Variants in CTNNA3 observed in about 807,000 individuals in gnomAD.
CTNNA3 encodes the protein catenin alpha 3.
In CTNNA3, 76 loss-of-function variants were observed where a neutral mutation model predicts 95.7. That is an observed-to-expected ratio of 0.79 (90% CI 0.66 to 0.96). The LOEUF (loss-of-function observed/expected upper bound fraction) is 0.96. CTNNA3 is among the 40% of genes least tolerant of loss of function. The pLI is 0.00. For missense variants in CTNNA3, 1,191 were observed against 1,089.8 expected (o/e 1.09, Z -1.31); for synonymous variants, 431 against 374.4 (o/e 1.15, Z -1.74).
At chr10:66,078,706 T>C (rs1202309803) in intron 14 of CTNNA3, among the ~76,000 whole-genome samples, 1 of 151,960 alleles carries the variant, frequency 6.6e-6, no homozygotes, top group Non-Finnish European at 1.5e-5. Context: ...ATTTAATTTA[T>C]TTAATTGCAT....
Position 66,766,429 on chromosome 10 carries a change from G to A in CTNNA3, c.1129-13C>T. The A allele has an allele frequency of 1.3e-6, 2 of 1,581,630 alleles. No homozygotes were observed. Among genetic ancestry groups the A allele is most frequent in the Admixed American group, 1.8e-5 (1 of 55,500 alleles). The stretch of plus-strand genomic sequence containing the variant: ...TAGCCTTGCGGAGCTGAGAAGAAAT[G>A]AAAAATTCAGGTTTTTTTTTTCCAG... On this transcript the variant is annotated splice_polypyrimidine_tract_variant and intron_variant, in intron 8 of 17. Transcript: ENST00000433211.
At chr10:66,489,602 G>A (rs995684101) in intron 11 of CTNNA3, among the ~76,000 whole-genome samples, 1 of 151,910 alleles carries the variant, frequency 6.6e-6, no homozygotes. Flanking sequence ...ACACACACGT[G>A]CACACACACA....
intron 15 of CTNNA3, among the ~76,000 whole-genome samples, chr10:66,042,920 A>T (rs1459815785): frequency 2.1e-5 from 3 of 143,410 alleles, no homozygotes; most frequent in Admixed American, 2.1e-4. Context: ...AAAAAAAAAA[A>T]AAAAAAAAAG....
chr10:65,953,515 C>A (rs1286183950), intron 17 of CTNNA3, among the ~76,000 whole-genome samples: 1 of 152,040 alleles, frequency 6.6e-6, no homozygotes, highest in Non-Finnish European at 1.5e-5. Flanking sequence ...AGGTATATCT[C>A]CTAATGCTAT....
chr10:66,022,275 C>T (rs534269459), intron 15 of CTNNA3, among the ~76,000 whole-genome samples: 1 of 152,104 alleles, frequency 6.6e-6, no homozygotes, highest in African/African-American at 2.4e-5. Context: ...AATTACTTCT[C>T]AAATAAATAG....
intron 3 of CTNNA3, among the ~76,000 whole-genome samples, chr10:67,574,691 G>C (rs555413583): frequency 6.8e-6 from 1 of 148,100 alleles, no homozygotes; most frequent in Non-Finnish European, 1.5e-5. Context: ...AGCTATTCTC[G>C]TGCCTCAGCC....
At chr10:67,533,054 T>C (rs1840382220) in intron 4 of CTNNA3, among the ~76,000 whole-genome samples, 1 of 152,162 alleles carries the variant, frequency 6.6e-6, no homozygotes, top group African/African-American at 2.4e-5. Context: ...GTGGGCACGG[T>C]GGCGGACGCC....
intron 7 of CTNNA3, among the ~76,000 whole-genome samples, chr10:66,978,536 A>ATAAAATAAAAT (rs1429128054): frequency 1.1e-5 from 1 of 94,404 alleles, no homozygotes; most frequent in African/African-American, 3.9e-5. Context: ...CAAAAAAAAA[A>ATAAAATAAAAT]AAAAAAAAAA....
intron 11 of CTNNA3, among the ~76,000 whole-genome samples, chr10:66,445,921 C>G (rs754431462): frequency 1.3e-5 from 2 of 151,830 alleles, no homozygotes; most frequent in Non-Finnish European, 2.9e-5. Context: ...ATTGATAGAC[C>G]GCTATCAAGG....
intron 7 of CTNNA3, among the ~76,000 whole-genome samples, chr10:67,125,167 T>G (rs1190733956): frequency 6.6e-6 from 1 of 152,118 alleles, no homozygotes; most frequent in Non-Finnish European, 1.5e-5. Flanking sequence ...ATTTAATACG[T>G]TTTTTCAATA....
chr10:67,497,776 G>C (rs1839076095), intron 5 of CTNNA3, among the ~76,000 whole-genome samples: 1 of 152,080 alleles, frequency 6.6e-6, no homozygotes, highest in African/African-American at 2.4e-5. Flanking sequence ...GTTTTGATGG[G>C]GTTGTTTGTT....
chr10:66,868,117 G>A (rs1401496991), intron 7 of CTNNA3, among the ~76,000 whole-genome samples: 1 of 150,498 alleles, frequency 6.6e-6, no homozygotes, highest in Non-Finnish European at 1.5e-5. Context: ...AGCACTTTGG[G>A]AGGCTGAGAC....
At chr10:66,192,359 A>G (rs1413380590) in intron 13 of CTNNA3, among the ~76,000 whole-genome samples, 4 of 152,218 alleles carry the variant, frequency 2.6e-5, no homozygotes, top group Admixed American at 2.6e-4. Context: ...AAATATGTGC[A>G]CATTCAGCAA....
chr10:66,061,764 C>A (rs554743322), intron 15 of CTNNA3, among the ~76,000 whole-genome samples: 2 of 152,084 alleles, frequency 1.3e-5, no homozygotes, highest in Non-Finnish European at 2.9e-5. Flanking sequence ...TGACTCAACC[C>A]CACACCTCAT....
At chr10:66,221,114 A>G (rs2088904620) in intron 13 of CTNNA3, among the ~76,000 whole-genome samples, 1 of 152,212 alleles carries the variant, frequency 6.6e-6, no homozygotes, top group African/African-American at 2.4e-5. Flanking sequence ...AGGAGAGCAC[A>G]TATTCTGACC....
intron 7 of CTNNA3, among the ~76,000 whole-genome samples, chr10:66,966,547 G>T (rs1849423260): frequency 6.6e-6 from 1 of 151,862 alleles, no homozygotes; most frequent in Non-Finnish European, 1.5e-5. Flanking sequence ...TGAGCTATCA[G>T]ATTCAAAGAA....
At chr10:67,369,103 T>C (rs1843321462) in intron 5 of CTNNA3, among the ~76,000 whole-genome samples, 1 of 152,210 alleles carries the variant, frequency 6.6e-6, no homozygotes, top group Admixed American at 6.5e-5. Flanking sequence ...CACTAAAATA[T>C]GTATGTATAA....
intron 15 of CTNNA3, among the ~76,000 whole-genome samples, chr10:66,015,984 C>T (rs541355797): frequency 1.1e-4 from 16 of 152,172 alleles, no homozygotes; most frequent in South Asian, 4.2e-4. Flanking sequence ...ACTCAGATCA[C>T]GGGAATTTAA....
chr10:66,282,291 A>G (rs186637902), intron 12 of CTNNA3, among the ~76,000 whole-genome samples: 2 of 151,980 alleles, frequency 1.3e-5, no homozygotes, highest in East Asian at 1.9e-4. Flanking sequence ...CTCAAAGTAT[A>G]TCTCTAATCT....
Sources: allele counts gnomAD v4.1 joint callset (sites outside exome capture counted in the v4.1 genomes callset), GRCh38; gene constraint gnomAD v4.1.1; transcripts MANE v1.5; gene names NCBI Gene and HGNC (gene_info 2026-07-23, HGNC 2026-07-21).